MTX2: variants seen among roughly 807,000 people sequenced by gnomAD.
MTX2 encodes the protein metaxin 2, also known as metaxin-2.
MTX2 carries 35 observed loss-of-function variants against 42.3 expected under a neutral mutation model. That is an observed-to-expected ratio of 0.83 (90% CI 0.63 to 1.10). MTX2 has a LOEUF of 1.10. Ranked by LOEUF, MTX2 falls within the 50% of genes least tolerant of loss-of-function variation. The pLI is 0.00. For synonymous variants in MTX2, 119 were observed against 100.9 expected, an observed-to-expected ratio of 1.18 and a Z score of -1.08; for missense variants, 307 against 304.1, an observed-to-expected ratio of 1.01 and a Z score of -0.07.
chr2:176,282,552 T>C (rs1285929058), intron 1 of MTX2, among the ~76,000 whole-genome samples: 1 of 152,192 alleles, frequency 6.6e-6, no homozygotes, highest in African/African-American at 2.4e-5. Context: ...AATTCTTTCC[T>C]GTTTTCCTCA....
In MTX2 at chr2:176,309,068, T is replaced by G. The variant is rs144190631; in HGVS notation, c.135+11173T>G. Among the ~76,000 whole-genome samples the G allele has an allele frequency of 8.3e-3, 1,265 of 152,326 alleles. 19 individuals are homozygous for G. The highest frequency in any genetic ancestry group is 0.028 in the African/African-American group (1,163 of 41,576). ...CCCTCTACACACTGCTTTAAATGTG[T>G]TCCAGAGATTCTGATATGTTGTGTC... On this transcript the variant is annotated intron_variant, in intron 3 of 9. Coordinates refer to ENST00000249442, the MANE Select transcript of MTX2 (RefSeq NM_006554.5).
intron 1 of MTX2, 33 bp from the exon 2 acceptor site, chr2:176,296,827 A>G (rs2105413321): frequency 6.2e-7 from 1 of 1,609,602 alleles, no homozygotes; most frequent in African/African-American, 1.3e-5. Context: ...TTTTTGCTTT[A>G]TGTGCCTAAT....
rs1684799851 is a variant in MTX2 at position 176,329,392 on chromosome 2, A to G, written c.509A>G (p.Lys170Arg). The change falls in exon 8 of 10, where the codon AAA (lysine) becomes AGA (arginine). Residue 170 changes from lysine to arginine, a missense_variant. Transcript: ENST00000249442. ...QKQWEVKRKM[K>R]AIGWGKKTLD... is the part of the protein sequence containing the mutation. ...CAGTGGGAAGTCAAACGTAAGATGA[A>G]AGCTATTGGATGGGGAAAGAAGACT... 6.2e-7 allele frequency: 1 copy of G among 1,607,424 alleles called. No individual in the cohort carries two copies. Among genetic ancestry groups the G allele is most frequent in the East Asian group, 2.2e-5 (1 of 44,620 alleles).
At chr2:176,322,181 G>T (rs754166794) in intron 3 of MTX2, among the ~76,000 whole-genome samples, 11 of 152,018 alleles carry the variant, frequency 7.2e-5, no homozygotes, top group Non-Finnish European at 1.6e-4. Context: ...AAACAGAAGA[G>T]AATTGACATA....
At chr2:176,291,809 G>T (rs1396691004) in intron 1 of MTX2, among the ~76,000 whole-genome samples, 1 of 152,070 alleles carries the variant, frequency 6.6e-6, no homozygotes, top group Non-Finnish European at 1.5e-5. Context: ...ACCATAGGAG[G>T]ATAAAATTGT....
intron 4 of MTX2, among the ~76,000 whole-genome samples, chr2:176,325,327 G>C (rs1684683186): frequency 6.6e-6 from 1 of 151,666 alleles, no homozygotes; most frequent in Non-Finnish European, 1.5e-5. Context: ...GTTTTTGCCT[G>C]ATACCTGCAA....
intron 8 of MTX2, 110 bp downstream of exon 8, chr2:176,329,536 A>G (rs776664594): frequency 1.4e-5 from 15 of 1,098,866 alleles, no homozygotes; most frequent in Non-Finnish European, 1.8e-5. Flanking sequence ...CAAGAAAACC[A>G]TTTCCTGTGA....
rs1270845903 is a variant in MTX2, at chr2:176,271,391, T to C, written c.40+1722T>C. On this transcript the variant is annotated intron_variant, in intron 1 of 9. Coordinates refer to ENST00000249442, the MANE Select transcript of MTX2 (RefSeq NM_006554.5). ...AATTCATAATCCATAAGAGAAGAAA[T>C]TGGCAGATTTGATTGCCGAAAAAAT... Among the ~76,000 whole-genome samples the C allele has an allele frequency of 3.3e-5, 5 of 152,100 alleles. No homozygotes were observed. In the South Asian group the frequency reaches 8.3e-4, roughly 25 times the overall value.
intron 9 of MTX2, among the ~76,000 whole-genome samples, chr2:176,333,535 T>C (rs1684909455): frequency 6.6e-6 from 1 of 151,640 alleles, no homozygotes; most frequent in Admixed American, 6.6e-5. Flanking sequence ...AAAAGACTTG[T>C]TGGAATCAGT....
intron 3 of MTX2, among the ~76,000 whole-genome samples, chr2:176,318,027 T>C (rs184862466): frequency 3.3e-5 from 5 of 152,294 alleles, no homozygotes; most frequent in African/African-American, 1.2e-4. Flanking sequence ...CAGCTTCCTC[T>C]GCCCTCTGCC....
intron 3 of MTX2, among the ~76,000 whole-genome samples, chr2:176,303,450 A>G (rs547015049): frequency 6.6e-6 from 1 of 152,178 alleles, no homozygotes; most frequent in Non-Finnish European, 1.5e-5. Context: ...CAGACAAGCA[A>G]AATGGAGGCT....
chr2:176,288,227 G>A (rs1284130762), intron 1 of MTX2, among the ~76,000 whole-genome samples: 1 of 151,888 alleles, frequency 6.6e-6, no homozygotes, highest in East Asian at 1.9e-4. Flanking sequence ...TTTCAGTTTT[G>A]ATAAAGTCCC....
At chr2:176,308,235 C>A (rs939185208) in intron 3 of MTX2, among the ~76,000 whole-genome samples, 3 of 152,130 alleles carry the variant, frequency 2.0e-5, no homozygotes, top group Admixed American at 6.6e-5. Flanking sequence ...AGCCTTGCAT[C>A]CCAAGGATGA....
At chr2:176,279,135 A>G (rs1054222729) in intron 1 of MTX2, among the ~76,000 whole-genome samples, 3 of 152,148 alleles carry the variant, frequency 2.0e-5, no homozygotes, top group African/African-American at 4.8e-5. Flanking sequence ...CTGATCATAT[A>G]TTTTATCTCT....
chr2:176,331,623 A>G (rs551556428), intron 9 of MTX2, among the ~76,000 whole-genome samples: 1 of 151,260 alleles, frequency 6.6e-6, no homozygotes, highest in South Asian at 2.1e-4. Context: ...TGATATTAAA[A>G]TCTGGGTTCT....
chr2:176,320,779 T>C (rs1684567350), intron 3 of MTX2, among the ~76,000 whole-genome samples: 2 of 151,652 alleles, frequency 1.3e-5, no homozygotes, highest in Non-Finnish European at 2.9e-5. Flanking sequence ...ACTGCAGCCT[T>C]GACCTCCCAG....
chr2:176,317,371 T>A (rs886857412), intron 3 of MTX2, among the ~76,000 whole-genome samples: 2 of 152,218 alleles, frequency 1.3e-5, no homozygotes, highest in African/African-American at 4.8e-5. Context: ...TATTCACCAT[T>A]ATAATTTTTC....
chr2:176,314,408 G>T (rs1179059945), intron 3 of MTX2, among the ~76,000 whole-genome samples: 1 of 151,266 alleles, frequency 6.6e-6, no homozygotes, highest in Non-Finnish European at 1.5e-5. Context: ...CTGCACTCCA[G>T]CCTGGGTGAC....
intron 1 of MTX2, among the ~76,000 whole-genome samples, chr2:176,291,873 A>G (rs1423474461): frequency 6.6e-6 from 1 of 152,058 alleles, no homozygotes; most frequent in African/African-American, 2.4e-5. Flanking sequence ...AACTGGATGA[A>G]GGCCAGTGGG....
Sources: gnomAD v4.1 joint callset for allele counts (sites outside exome capture counted in the v4.1 genomes callset) on GRCh38, gnomAD v4.1.1 for gene constraint, MANE v1.5 for transcripts, NCBI Gene and HGNC (gene_info 2026-07-23, HGNC 2026-07-21) for gene names.